TBCD: variants seen among roughly 807,000 people sequenced by gnomAD.
The protein encoded by TBCD is tubulin-specific chaperone D.
TBCD carries 105 observed loss-of-function variants against 169.3 expected under a neutral mutation model. That is an observed-to-expected ratio of 0.62 (90% CI 0.53 to 0.73). The LOEUF (loss-of-function observed/expected upper bound fraction) is 0.73, where lower values mean the gene tolerates loss of function less well. TBCD is among the 30% of genes least tolerant of loss of function. The probability of loss-of-function intolerance (pLI) is 0.00; values close to 1 mark genes in which losing one functional copy is unlikely to be tolerated. For missense variants in TBCD, 1,444 were observed against 1,600.1 expected (o/e 0.90, Z 1.66); for synonymous variants, 700 against 643.9 (o/e 1.09, Z -1.32).
At chr17:82,933,675 T>G (rs1430690689) in intron 34 of TBCD, among the ~76,000 whole-genome samples, 1 of 152,186 alleles carries the variant, frequency 6.6e-6, no homozygotes, top group South Asian at 2.1e-4. Context: ...TGTAGTGCAG[T>G]GGCTCGATTT....
At chr17:82,837,069 A>G (rs2054049877) in intron 13 of TBCD, among the ~76,000 whole-genome samples, 1 of 152,218 alleles carries the variant, frequency 6.6e-6, no homozygotes, top group Non-Finnish European at 1.5e-5. Context: ...AACAGGGAGC[A>G]CAGCTGCTTC....
chr17:82,752,857 G>C (rs966482640), intron 1 of TBCD, among the ~76,000 whole-genome samples: 1 of 152,212 alleles, frequency 6.6e-6, no homozygotes, highest in Admixed American at 6.5e-5. Flanking sequence ...GGGACGCAGG[G>C]AACAAACCTG....
chr17:82,883,654 TTAGGCTCTGTGCATGGCGTGGTCTGCA>T (rs2058524655), intron 14 of TBCD, among the ~76,000 whole-genome samples: 3 of 152,214 alleles, frequency 2.0e-5, no homozygotes, highest in South Asian at 4.1e-4. Flanking sequence ...TTCTGCAGGG[TTAGGCTCTGTGCATGGCGTGGTCTGCA>T]GGACCTGGAC....
chr17:82,788,626 C>G (rs113006721), intron 7 of TBCD, among the ~76,000 whole-genome samples: 12,946 of 152,256 alleles, frequency 0.085, 1,447 homozygotes, highest in African/African-American at 0.26. Flanking sequence ...GTCAGCCTCA[C>G]TCCCAGCTCC....
intron 2 of TBCD, among the ~76,000 whole-genome samples, chr17:82,760,620 A>G (rs999951563): frequency 1.3e-5 from 2 of 152,254 alleles, no homozygotes; most frequent in Non-Finnish European, 2.9e-5. Flanking sequence ...GTAAACATAC[A>G]TTTCTTAACA....
At chr17:82,868,379 G>A (rs537173911) in intron 13 of TBCD, among the ~76,000 whole-genome samples, 21 of 152,266 alleles carry the variant, frequency 1.4e-4, no homozygotes, top group South Asian at 6.2e-4. Context: ...CAGGGACCCC[G>A]GAATGTCCTG....
At position 82,806,464 on chromosome 17, in the gene TBCD, G is replaced by T. The variant is rs889213674; in HGVS notation, c.1087+453G>T. Among the ~76,000 whole-genome samples, 4 of 152,080 alleles carry T rather than the reference G, an allele frequency of 2.6e-5. No individual in the cohort carries two copies. Among genetic ancestry groups the T allele is most frequent in the African/African-American group, 9.7e-5 (4 of 41,406 alleles). On this transcript the variant is annotated intron_variant, in intron 10 of 38. Coordinates refer to ENST00000355528, the MANE Select transcript of TBCD (RefSeq NM_005993.5). The surrounding 1 kb of genome is among the most constrained non-coding windows in gnomAD (Gnocchi z 5.1). ...CACTGCCCTGTTCTCCTCCTGTGGG[G>T]TCTCCTGCTGCACAGAGACAGAGCC...
chr17:82,896,467 T>G (rs1027770275), intron 17 of TBCD, among the ~76,000 whole-genome samples: 21 of 149,154 alleles, frequency 1.4e-4, no homozygotes, highest in African/African-American at 5.0e-4. Context: ...TTTTTTTTTT[T>G]TTTTTTTTTT....
chr17:82,842,151 G>T (rs4075209), intron 13 of TBCD, among the ~76,000 whole-genome samples: 35,945 of 152,148 alleles, frequency 0.24, 4,552 homozygotes, highest in East Asian at 0.46. Context: ...CCTCTGCCCG[G>T]AAGCCCCACC....
intron 7 of TBCD, among the ~76,000 whole-genome samples, chr17:82,788,236 TA>T (rs1445297242): frequency 1.1e-4 from 16 of 151,874 alleles, no homozygotes; most frequent in Admixed American, 7.2e-4. Context: ...AGACTCCATC[TA>T]AAAAAAAATT....
chr17:82,767,306 A>C (rs1268877645), intron 4 of TBCD, among the ~76,000 whole-genome samples: 1 of 151,638 alleles, frequency 6.6e-6, no homozygotes, highest in African/African-American at 2.4e-5. Context: ...GCTGCCCTGC[A>C]CTCCGTGCCC....
intron 14 of TBCD, among the ~76,000 whole-genome samples, chr17:82,872,415 C>T (rs1318643112): frequency 6.6e-6 from 1 of 152,208 alleles, no homozygotes; most frequent in African/African-American, 2.4e-5. Flanking sequence ...TGGTGGTCTT[C>T]AGGGAGCAGT....
intron 35 of TBCD, chr17:82,937,575 T>TC: frequency 1.6e-6 from 1 of 610,742 alleles, no homozygotes; most frequent in Non-Finnish European, 2.9e-6. Flanking sequence ...ACAGGCGAGC[T>TC]CTGCCTCTGC....
intron 7 of TBCD, among the ~76,000 whole-genome samples, chr17:82,790,634 A>C (rs377206745): frequency 6.6e-6 from 1 of 151,952 alleles, no homozygotes; most frequent in African/African-American, 2.4e-5. Flanking sequence ...ACCCCTGTGC[A>C]CCCTGCCGCC....
At chr17:82,883,393 C>T (rs778537647) in intron 14 of TBCD, among the ~76,000 whole-genome samples, 27 of 152,278 alleles carry the variant, frequency 1.8e-4, no homozygotes, top group African/African-American at 3.6e-4. Flanking sequence ...TTCTGTGCAA[C>T]GCCTGATGAG....
intron 2 of TBCD, among the ~76,000 whole-genome samples, chr17:82,757,921 C>T (rs980328272): frequency 6.6e-6 from 1 of 152,124 alleles, no homozygotes; most frequent in African/African-American, 2.4e-5. Context: ...GGTCACTGCT[C>T]ACAAGGTAGC....
rs376679129 is a variant in TBCD, at chr17:82,924,979, C to T, written c.2301C>T (p.Pro767=). ...AGTACCTGGCTGAGCTTCGGAACCC[C>T]GAGGAGATGACTCGCTGTGGCTTCT... ...ITQYLAELRN[P]EEMTRCGFSL... is the part of the protein sequence containing the mutation. Residue 767 remains proline (P), a synonymous_variant, in exon 27 of 39, where the codon CCC becomes CCT. Coordinates refer to ENST00000355528, the MANE Select transcript of TBCD (RefSeq NM_005993.5). The T allele has an allele frequency of 8.7e-4, 1,377 of 1,575,264 alleles. 2 individuals carry two copies. The highest frequency in any genetic ancestry group is 1.1e-3 in the Non-Finnish European group (1,246 of 1,159,184).
chr17:82,760,789 C>T (rs545314580), intron 2 of TBCD, among the ~76,000 whole-genome samples: 8 of 152,308 alleles, frequency 5.3e-5, no homozygotes, highest in African/African-American at 1.9e-4. Flanking sequence ...ACAATTCCTT[C>T]CCATTCTCTG....
In TBCD at chr17:82,890,218, G is replaced by C. The variant is rs556386155; in HGVS notation, c.1563+521G>C. ...GGTCAGCTTCGCCTGTGAATGGGGG[G>C]CCCCAGGTTACTCATGTTGTGTGTG... On this transcript the variant is annotated intron_variant, in intron 16 of 38. Coordinates refer to ENST00000355528, the MANE Select transcript of TBCD (RefSeq NM_005993.5). The surrounding 1 kb of genome is among the most constrained non-coding windows in gnomAD (Gnocchi z 5.3). Among the ~76,000 whole-genome samples, 1 of 152,326 alleles carries C rather than the reference G, an allele frequency of 6.6e-6. No individual in the cohort carries two copies. Among genetic ancestry groups the C allele is most frequent in the South Asian group, 2.1e-4 (1 of 4,828 alleles).
Sources: gnomAD v4.1 joint callset for allele counts (sites outside exome capture counted in the v4.1 genomes callset) on GRCh38, gnomAD v4.1.1 for gene constraint, Gnocchi (gnomAD v3.1) non-coding constraint, MANE v1.5 for transcripts, NCBI Gene and HGNC (gene_info 2026-07-23, HGNC 2026-07-21) for gene names.